Variants in MROH2B observed in about 807,000 individuals in gnomAD.
MROH2B encodes the protein maestro heat like repeat family member 2B.
In MROH2B, 177 loss-of-function variants were observed where a neutral mutation model predicts 208.6. The ratio of observed to expected loss-of-function variants is 0.85; its 90% CI spans 0.75 to 0.96. The LOEUF is 0.96. Among genes scored for constraint, MROH2B ranks in the 40% least tolerant of loss-of-function variants. MROH2B has a pLI of 0.00. For missense variants in MROH2B, 2,002 were observed against 1,878.7 expected, an observed-to-expected ratio of 1.07 and a Z score of -1.21; for synonymous variants, 728 against 659.0, an observed-to-expected ratio of 1.10 and a Z score of -1.60.
chr5:41,010,166 C>T (rs1183098436), intron 30 of MROH2B, 87 bp from the exon 31 acceptor site: 2 of 1,231,286 alleles, frequency 1.6e-6, no homozygotes, highest in Admixed American at 2.4e-5. Context: ...CGTGGATGGG[C>T]AGCTGATGAA....
intron 21 of MROH2B, among the ~76,000 whole-genome samples, chr5:41,036,926 T>C (rs1742784666): frequency 6.6e-6 from 1 of 152,194 alleles, no homozygotes; most frequent in Non-Finnish European, 1.5e-5. Flanking sequence ...ATTTCCTCTT[T>C]ATGTTTTTAC....
intron 37 of MROH2B, among the ~76,000 whole-genome samples, 174 bp downstream of exon 37, chr5:41,004,172 G>A (rs1465151126): frequency 1.3e-5 from 2 of 152,176 alleles, no homozygotes; most frequent in East Asian, 3.8e-4. Context: ...AGCACCCTCA[G>A]GCAGAGAGAT....
rs1218516652 is a variant in MROH2B at position 41,004,930 on chromosome 5, T to C, written c.3865-10A>G. 1.9e-6 allele frequency: 3 copies of C among 1,613,208 alleles called. No homozygotes were observed. The highest frequency in any genetic ancestry group is 2.5e-6 in the Non-Finnish European group (3 of 1,179,516). ...TTGGTTCCTTCATGAGCTGAAATAA[T>C]CAACACACTCCTCCCGTTTAGTTAA... On this transcript the variant is annotated splice_polypyrimidine_tract_variant and intron_variant, in intron 35 of 41. Transcript: ENST00000399564.
chr5:41,067,786 C>T (rs1402373777), intron 2 of MROH2B, among the ~76,000 whole-genome samples: 2 of 152,170 alleles, frequency 1.3e-5, no homozygotes, highest in East Asian at 3.8e-4. Flanking sequence ...TAATTGACAA[C>T]CAGGAGAGGC....
chr5:41,000,097 T>C (rs1363288686), intron 39 of MROH2B, 123 bp downstream of exon 39: 4 of 1,305,682 alleles, frequency 3.1e-6, no homozygotes, highest in Non-Finnish European at 4.3e-6. Flanking sequence ...AGGATATCAC[T>C]GCCATCCTTC....
intron 2 of MROH2B, among the ~76,000 whole-genome samples, chr5:41,068,904 T>G (rs916260680): frequency 2.6e-5 from 4 of 152,314 alleles, no homozygotes; most frequent in East Asian, 1.9e-4. Context: ...GGTGTTGATA[T>G]TTTCCCAAAA....
chr5:41,009,418 A>G lies in MROH2B; in HGVS notation c.3294-12T>C. The G allele has an allele frequency of 6.2e-7, 1 of 1,612,486 alleles. No homozygotes were observed. The highest frequency in any genetic ancestry group is 8.5e-7 in the Non-Finnish European group (1 of 1,179,110). Reference sequence around the variant, plus strand: ...ATGTCTTTGTGTCCCTAGGGTGGCAAAGCAGGAAATTGGTAGATAAGGCAC... The same window carrying G: ...ATGTCTTTGTGTCCCTAGGGTGGCAGAGCAGGAAATTGGTAGATAAGGCAC... On this transcript the variant is annotated splice_polypyrimidine_tract_variant and intron_variant, in intron 31 of 41. Coordinates refer to ENST00000399564, the MANE Select transcript of MROH2B (RefSeq NM_173489.5).
chr5:41,004,662 C>G, intron 36 of MROH2B, 112 bp downstream of exon 36: 1 of 1,526,374 alleles, frequency 6.6e-7, no homozygotes, highest in Non-Finnish European at 8.8e-7. Flanking sequence ...ACCACTTCAG[C>G]AATGTATCTG....
chr5:41,042,498 A>T (rs531066290), intron 18 of MROH2B, among the ~76,000 whole-genome samples: 6 of 152,278 alleles, frequency 3.9e-5, no homozygotes, highest in African/African-American at 1.4e-4. Flanking sequence ...ATTTGGGTTC[A>T]TTGTAGCAGA....
chr5:41,018,975 G>C lies in MROH2B; in HGVS notation c.2485C>G (p.Leu829Val). ...QLSLQDHLNI[L>V]EENIRRLLPL... ...AGCAGCCTCCGAATATTCTCCTCAA[G>C]AATGTTAAGGTGGTCTTGTAGTGAG... The change falls in exon 25 of 42, where the codon CTT becomes GTT. Residue 829 changes from leucine to valine, a missense_variant. Physicochemically the swap from Leu to Val is conservative, Grantham distance 32. Coordinates refer to ENST00000399564, the MANE Select transcript of MROH2B (RefSeq NM_173489.5). 6.2e-7 allele frequency: 1 copy of C among 1,613,868 alleles called. No homozygotes were observed. Among genetic ancestry groups the C allele is most frequent in the Non-Finnish European group, 8.5e-7 (1 of 1,179,856 alleles).
At chr5:41,070,061 T>G (rs1743939069) in intron 1 of MROH2B, among the ~76,000 whole-genome samples, 1 of 152,210 alleles carries the variant, frequency 6.6e-6, no homozygotes, top group Admixed American at 6.5e-5. Flanking sequence ...TTGCAGGATT[T>G]AGCTCTCAGA....
At position 40,998,073 on chromosome 5, in the gene MROH2B, T is replaced by G. The variant is rs935335310; in HGVS notation, c.4737A>C (p.Lys1579Asn). 1.9e-6 allele frequency: 3 copies of G among 1,611,674 alleles called. No homozygotes were observed. Among genetic ancestry groups the G allele is most frequent in the African/African-American group, 1.3e-5 (1 of 74,858 alleles). ...TGGCTTACAGAGGAATGCTTGTCTC[T>G]TTACACCTTCTCAGGAGGGTTTGCA... ...AALQTLLRRCKETSIPL is the reference protein window; with the variant it reads ...AALQTLLRRCNETSIPL The change falls in exon 42 of 42, where the codon AAA becomes AAC. Residue 1579 changes from lysine to asparagine, a missense_variant. By Grantham distance (94) the Lys-to-Asn change is moderately conservative. Coordinates refer to ENST00000399564, the MANE Select transcript of MROH2B (RefSeq NM_173489.5).
chr5:41,038,839 A>G lies in MROH2B; in HGVS notation c.2111T>C (p.Ile704Thr). Residue 704 changes from isoleucine (I) to threonine (T), a missense_variant, in exon 21 of 42, where the codon ATC becomes ACC. Transcript: ENST00000399564. ...AGCATGGAGGGCCACTGCTCCATAG[A>G]TGACCATGACATCTGTCTTGGTCAG... Reference protein sequence around the residue: ...KSLTKTDVMVIYGAVALHAPK... With the variant: ...KSLTKTDVMVTYGAVALHAPK... 1.2e-6 allele frequency: 2 copies of G among 1,613,652 alleles called. No individual in the cohort carries two copies. Among genetic ancestry groups the G allele is most frequent in the South Asian group, 1.1e-5 (1 of 91,052 alleles).
intron 5 of MROH2B, among the ~76,000 whole-genome samples, chr5:41,063,485 C>T (rs1187445098): frequency 6.6e-6 from 1 of 152,146 alleles, no homozygotes; most frequent in Non-Finnish European, 1.5e-5. Flanking sequence ...AAATAGTAAT[C>T]TTAAAATACC....
At chr5:41,034,550 C>A (rs183606981) in intron 21 of MROH2B, among the ~76,000 whole-genome samples, 249 of 152,146 alleles carry the variant, frequency 1.6e-3, no homozygotes, top group African/African-American at 5.6e-3. Context: ...TTCAGATAAC[C>A]CTTACCATTT....
At chr5:41,062,035 A>C (rs1308575166) in intron 5 of MROH2B, among the ~76,000 whole-genome samples, 1 of 148,948 alleles carries the variant, frequency 6.7e-6, no homozygotes, top group Non-Finnish European at 1.5e-5. Context: ...CACTTTGCAG[A>C]ACTCTTTGGC....
chr5:41,039,455 C>T lies in MROH2B; in HGVS notation c.2054G>A (p.Arg685Gln), dbSNP rs750019046. 3.2e-5 allele frequency: 51 copies of T among 1,572,780 alleles called. No individual in the cohort carries two copies. Among genetic ancestry groups the T allele is most frequent in the Middle Eastern group, 1.7e-4 (1 of 5,954 alleles). Residue 685 changes from arginine to glutamine, a missense_variant, in exon 20 of 42, where the codon CGA becomes CAA. Arg to Gln is a conservative substitution (Grantham distance 43). Coordinates refer to ENST00000399564, the MANE Select transcript of MROH2B (RefSeq NM_173489.5). ...FQNQEKFFMN[R>Q]CKSLFSGKKS... ...GGAGATGATTCTTCTTACCTTACAT[C>T]GATTCATGAAAAACTTTTCCTGATT...
intron 37 of MROH2B, among the ~76,000 whole-genome samples, chr5:41,001,732 A>G (rs971445509): frequency 1.1e-4 from 17 of 151,984 alleles, no homozygotes; most frequent in African/African-American, 3.6e-4. Flanking sequence ...AAGAAAGAAA[A>G]AAAAAAGAAA....
rs1743486934 is a variant in MROH2B at position 41,057,291 on chromosome 5, T to C, written c.826A>G (p.Ile276Val). Residue 276 changes from isoleucine (I) to valine (V), a missense_variant, in exon 8 of 42, where the codon ATC becomes GTC. Physicochemically the swap from Ile to Val is conservative, Grantham distance 29. Coordinates refer to ENST00000399564, the MANE Select transcript of MROH2B (RefSeq NM_173489.5). Reference sequence around the variant, plus strand: ...ACCTGCTGGAGTAAATTGATAAAGATGGATCTTCTCAAGCTCCTTGGAAGG... The same window carrying C: ...ACCTGCTGGAGTAAATTGATAAAGACGGATCTTCTCAAGCTCCTTGGAAGG... ...IGLPRSLRRS[I>V]FINLLQQICR... The C allele has an allele frequency of 5.0e-6, 8 of 1,599,442 alleles. No homozygotes were observed. The South Asian group carries it at 7.9e-5, about 16-fold the overall frequency.
Sources: allele counts gnomAD v4.1 joint callset (sites outside exome capture counted in the v4.1 genomes callset), GRCh38; gene constraint gnomAD v4.1.1; transcripts MANE v1.5; gene names NCBI Gene and HGNC (gene_info 2026-07-23, HGNC 2026-07-21).